The following AKT1 variants were observed in gnomAD, a reference collection of about 807,000 sequenced individuals.
AKT1 encodes the protein RAC-alpha serine/threonine-protein kinase.
AKT1 carries 21 observed loss-of-function variants against 63.1 expected under a neutral mutation model. That is an observed-to-expected ratio of 0.33 (90% CI 0.24 to 0.48). AKT1 has a LOEUF of 0.48. Among genes scored for constraint, AKT1 ranks in the 20% least tolerant of loss-of-function variants. The pLI, the probability that AKT1 is intolerant of heterozygous loss-of-function variation, is 0.99. For synonymous variants in AKT1, 257 were observed against 253.1 expected, an observed-to-expected ratio of 1.02 and a Z score of -0.15; for missense variants, 382 against 666.0, an observed-to-expected ratio of 0.57 and a Z score of 4.69.
intron 3 of AKT1, among the ~76,000 whole-genome samples, chr14:104,791,787 A>G (rs962949432): frequency 6.6e-6 from 1 of 152,250 alleles, no homozygotes; most frequent in Non-Finnish European, 1.5e-5. Context: ...AGGAGGGAAC[A>G]AGTCTGGAAA....
chr14:104,795,472 G>A lies in AKT1; in HGVS notation c.-258+12C>T, dbSNP rs1893845009. ...ATCCAGGCCCGGGCGGCCACGGCGG[G>A]CGGGGACTCACCGGGCCGCCGCGTC... On this transcript the variant is annotated intron_variant, in intron 1 of 14. Transcript: ENST00000649815. The surrounding 1 kb of genome is among the most constrained non-coding windows in gnomAD (Gnocchi z 5.1). 1 of 146,520 alleles carries A rather than the reference G, an allele frequency of 6.8e-6. No individual in the cohort carries two copies. The highest frequency in any genetic ancestry group is 1.5e-5 in the Non-Finnish European group (1 of 65,836). The allele number at this position is 146,520 out of a possible 1,614,324, so 9.1% of individuals were successfully genotyped here.
chr14:104,786,585 C>T (rs1198637884), intron 3 of AKT1, among the ~76,000 whole-genome samples: 1 of 152,220 alleles, frequency 6.6e-6, no homozygotes, highest in African/African-American at 2.4e-5. Flanking sequence ...TGGAACCAGG[C>T]AGTAGGGACC....
intron 3 of AKT1, among the ~76,000 whole-genome samples, chr14:104,785,338 G>T (rs1893278994): frequency 6.6e-6 from 1 of 152,202 alleles, no homozygotes; most frequent in African/African-American, 2.4e-5. Flanking sequence ...AGGCTGGGGT[G>T]GGGGCAGGGG....
At chr14:104,774,243 G>A in intron 8 of AKT1, 1 of 534,682 alleles carries the variant, frequency 1.9e-6, no homozygotes, top group Admixed American at 3.0e-5. Context: ...ACACCACACT[G>A]CCCCACACCA....
At chr14:104,791,109 G>A (rs1176042639) in intron 3 of AKT1, among the ~76,000 whole-genome samples, 1 of 152,152 alleles carries the variant, frequency 6.6e-6, no homozygotes, top group East Asian at 1.9e-4. Context: ...ACTGGGGCCT[G>A]GGCCCCTGGG....
chr14:104,789,704 TC>T (rs1893525056), intron 3 of AKT1, among the ~76,000 whole-genome samples: 1 of 152,162 alleles, frequency 6.6e-6, no homozygotes, highest in Non-Finnish European at 1.5e-5. Flanking sequence ...GGGCTGCTTA[TC>T]CAGTGAGACA....
intron 11 of AKT1, 28 bp downstream of exon 11, chr14:104,773,223 C>T (rs750891852): frequency 1.7e-5 from 28 of 1,613,828 alleles, no homozygotes; most frequent in South Asian, 4.4e-5. Flanking sequence ...GACGCAGCAA[C>T]GCGTATGCAC....
At chr14:104,784,517 G>A (rs1383417866) in intron 3 of AKT1, among the ~76,000 whole-genome samples, 1 of 152,192 alleles carries the variant, frequency 6.6e-6, no homozygotes, top group African/African-American at 2.4e-5. Flanking sequence ...TCCGGCAGGA[G>A]TGACCTTCCA....
At chr14:104,790,541 C>T (rs1228894536) in intron 3 of AKT1, among the ~76,000 whole-genome samples, 2 of 152,212 alleles carry the variant, frequency 1.3e-5, no homozygotes, top group Admixed American at 1.3e-4. Context: ...TGGCGAAATG[C>T]GGCAGGCCCC....
At chr14:104,793,392 C>G (rs940754521) in intron 1 of AKT1, 88 bp from the exon 2 acceptor site, 1 of 209,348 alleles carries the variant, frequency 4.8e-6, no homozygotes, top group African/African-American at 2.3e-5. Flanking sequence ...CCCTCCAGCG[C>G]AAGCCCAAAA....
chr14:104,775,972 G>A (rs188706054), intron 5 of AKT1, 173 bp from the exon 6 acceptor site: 20 of 730,796 alleles, frequency 2.7e-5, no homozygotes, highest in South Asian at 5.8e-5. Flanking sequence ...TCAGGGTCAC[G>A]AAGCCCTCTT....
chr14:104,788,079 T>C (rs1893426409), intron 3 of AKT1, among the ~76,000 whole-genome samples: 1 of 152,054 alleles, frequency 6.6e-6, no homozygotes, highest in Non-Finnish European at 1.5e-5. Flanking sequence ...GCCAGCACAC[T>C]TGCCTCCCCA....
At position 104,793,221 on chromosome 14, in the gene AKT1, A is replaced by T. The variant is rs1566827186; in HGVS notation, c.-174T>A. ...GCCTTCCCTAAGCCCCTGGTGACAGATGGCCCCGTTTGCTCTCCCTGTCCA... is the reference window on the plus strand; with the variant it reads ...GCCTTCCCTAAGCCCCTGGTGACAGTTGGCCCCGTTTGCTCTCCCTGTCCA... On this transcript the variant is annotated 5_prime_UTR_variant, in exon 2 of 15. Transcript: ENST00000649815. The T allele has an allele frequency of 5.4e-6, 1 of 184,838 alleles. No homozygotes were observed. Among genetic ancestry groups the T allele is most frequent in the African/African-American group, 2.4e-5 (1 of 42,458 alleles). 11.4% of individuals were successfully genotyped at this position (184,838 alleles called of 1,614,324 possible). A position where few individuals can be genotyped will look rare whatever the true frequency, so the allele number is the denominator to read the frequency against.
chr14:104,775,880 A>C, intron 5 of AKT1, 81 bp from the exon 6 acceptor site: 319 of 1,524,390 alleles, frequency 2.1e-4, no homozygotes, highest in Non-Finnish European at 2.5e-4. Context: ...CGCCAGCCTC[A>C]CAAGCGTGGT....
In AKT1 at chr14:104,782,348, C is replaced by CA. The variant is rs1893103325; in HGVS notation, c.47-2133_47-2132insT. 2.0e-5 allele frequency among the ~76,000 whole-genome samples: 3 copies of CA among 152,298 alleles called. No homozygotes were observed. The South Asian group carries it at 6.2e-4, about 32-fold the overall frequency. ...GCGCCCAGGCCCGGCACCCCTGAAACCCATCTTATCCACCAACTGCTGCCA... is the reference window on the plus strand; with the variant it reads ...GCGCCCAGGCCCGGCACCCCTGAAACACCATCTTATCCACCAACTGCTGCCA... On this transcript the variant is annotated intron_variant, in intron 3 of 14. Coordinates refer to ENST00000649815, the MANE Select transcript of AKT1 (RefSeq NM_001382430.1).
At chr14:104,787,610 A>G (rs1472377145) in intron 3 of AKT1, among the ~76,000 whole-genome samples, 1 of 152,204 alleles carries the variant, frequency 6.6e-6, no homozygotes, top group Non-Finnish European at 1.5e-5. Flanking sequence ...ACCCGGCCTG[A>G]TGCAACCCGG....
intron 3 of AKT1, among the ~76,000 whole-genome samples, chr14:104,783,689 G>A (rs1893193146): frequency 6.6e-6 from 1 of 152,168 alleles, no homozygotes; most frequent in Non-Finnish European, 1.5e-5. Flanking sequence ...TCTCCTGCCA[G>A]CAGCCACTCC....
chr14:104,770,500 A>G lies in AKT1; in HGVS notation c.1364-80T>C. 2.9e-6 allele frequency: 4 copies of G among 1,380,084 alleles called. No individual in the cohort carries two copies. The South Asian group carries it at 4.0e-5, about 14-fold the overall frequency. 85.5% of individuals were successfully genotyped at this position (1,380,084 alleles called of 1,614,324 possible). ...CACCCACAGCTCCAGTAGGAAGCCA[A>G]CCTCTTAAAGCACGGCCAGCACGCT... is the stretch of plus-strand genomic sequence containing the variant. On this transcript the variant is annotated intron_variant, in intron 14 of 14. Coordinates refer to ENST00000649815, the MANE Select transcript of AKT1 (RefSeq NM_001382430.1).
rs1438151488 is a variant in AKT1, at chr14:104,773,087, C to T, written c.963G>A (p.Leu321=). ...GTPEYLAPEV[L]EDNDYGRAVD... is the part of the protein sequence containing the mutation. ...CTGCACGGCCGTAGTCATTGTCCTC[C>T]AGCACCTGCACGGGTGGCAGATGGG... is the stretch of plus-strand genomic sequence containing the variant. Residue 321 remains leucine (L), a synonymous_variant, in exon 12 of 15, where the codon CTG becomes CTA. Transcript: ENST00000649815. 3 of 1,614,002 alleles carry T rather than the reference C, an allele frequency of 1.9e-6. No individual in the cohort carries two copies. The South Asian group carries it at 3.3e-5, about 18-fold the overall frequency.
Sources: allele counts gnomAD v4.1 joint callset (sites outside exome capture counted in the v4.1 genomes callset), GRCh38; gene constraint gnomAD v4.1.1; non-coding constraint Gnocchi (gnomAD v3.1); transcripts MANE v1.5; gene names NCBI Gene and HGNC (gene_info 2026-07-23, HGNC 2026-07-21).